Variants in AKAP19 observed in about 807,000 individuals in gnomAD.
The protein encoded by AKAP19 is small A-kinase anchoring protein.
chr2:190,194,475 TATACACACAC>T, the AKAP19 span, among the ~76,000 whole-genome samples: 274 of 126,914 alleles, frequency 2.2e-3, 1 homozygote, highest in African/African-American at 8.9e-3. Flanking sequence ...GTATCCTGTG[TATACACACAC>T]ACACACACAC....
the AKAP19 span, among the ~76,000 whole-genome samples, chr2:189,978,721 G>A: frequency 6.6e-6 from 1 of 152,180 alleles, no homozygotes; most frequent in African/African-American, 2.4e-5. Flanking sequence ...TTGCTGCAAA[G>A]GATATGATTT....
At chr2:190,039,100 T>C in the AKAP19 span, among the ~76,000 whole-genome samples, 1 of 151,272 alleles carries the variant, frequency 6.6e-6, no homozygotes, top group Admixed American at 6.6e-5. Flanking sequence ...TGAGACAGAG[T>C]CTTGCTCTGT....
the AKAP19 span, among the ~76,000 whole-genome samples, chr2:190,136,054 A>G: frequency 7.9e-5 from 12 of 152,320 alleles, no homozygotes; most frequent in South Asian, 2.5e-3. Flanking sequence ...ACACCGATGT[A>G]TTTATTTGGT....
the AKAP19 span, among the ~76,000 whole-genome samples, chr2:190,135,326 C>G: frequency 6.6e-6 from 1 of 152,136 alleles, no homozygotes; most frequent in Non-Finnish European, 1.5e-5. Flanking sequence ...AAATCAGTAT[C>G]ATGGGAGCTT....
chr2:189,967,297 G>T, the AKAP19 span, among the ~76,000 whole-genome samples: 1 of 152,146 alleles, frequency 6.6e-6, no homozygotes. Flanking sequence ...AGGGAACCTA[G>T]GTTGTCATTT....
At chr2:190,199,912 G>A in the AKAP19 span, 2 of 1,614,084 alleles carry the variant, frequency 1.2e-6, no homozygotes, top group South Asian at 2.2e-5. Context: ...CATATATGAA[G>A]GTGAGAAGCA....
At chr2:190,126,767 TA>T in the AKAP19 span, among the ~76,000 whole-genome samples, 7 of 145,330 alleles carry the variant, frequency 4.8e-5, no homozygotes, top group East Asian at 4.0e-4. Flanking sequence ...CAGGAAAAAG[TA>T]AAAAAAAAAC....
chr2:190,043,937 T>C, the AKAP19 span, among the ~76,000 whole-genome samples: 1 of 152,214 alleles, frequency 6.6e-6, no homozygotes, highest in Non-Finnish European at 1.5e-5. Flanking sequence ...TTCTTGTCTC[T>C]GGTTTCAGAA....
the AKAP19 span, among the ~76,000 whole-genome samples, chr2:190,197,611 T>C: frequency 6.6e-6 from 1 of 152,226 alleles, no homozygotes; most frequent in Non-Finnish European, 1.5e-5. The surrounding 1 kb of genome is among the most constrained non-coding windows in gnomAD (Gnocchi z 4.0). Flanking sequence ...ACGGTAATGC[T>C]GGGAGATACC....
the AKAP19 span, among the ~76,000 whole-genome samples, chr2:189,918,824 A>C: frequency 2.6e-5 from 4 of 152,216 alleles, no homozygotes; most frequent in Non-Finnish European, 5.9e-5. Context: ...TCAGCCATAC[A>C]AAAGAATAAA....
At chr2:189,935,421 C>T in the AKAP19 span, among the ~76,000 whole-genome samples, 141,099 of 152,082 alleles carry the variant, frequency 0.93, 65,501 homozygotes, top group East Asian at 0.97. Context: ...ATATTTTCTT[C>T]ATTTTGAATA....
chr2:189,969,675 G>T, the AKAP19 span, among the ~76,000 whole-genome samples: 1 of 138,014 alleles, frequency 7.2e-6, no homozygotes, highest in Non-Finnish European at 1.5e-5. Flanking sequence ...GTTGTGGTGA[G>T]CCAAGATCGC....
the AKAP19 span, among the ~76,000 whole-genome samples, chr2:190,096,851 C>T: frequency 1.3e-5 from 2 of 152,134 alleles, no homozygotes; most frequent in Non-Finnish European, 2.9e-5. Context: ...CTTCTCATGG[C>T]ATCCTCACAT....
At chr2:189,956,175 TTC>T in the AKAP19 span, among the ~76,000 whole-genome samples, 8 of 6,090 alleles carry the variant, frequency 1.3e-3, no homozygotes, top group Admixed American at 7.5e-3. Flanking sequence ...TTTCTTTTTT[TTC>T]TTTTTTTTTT....
At chr2:190,022,251 A>C in the AKAP19 span, among the ~76,000 whole-genome samples, 1 of 152,154 alleles carries the variant, frequency 6.6e-6, no homozygotes, top group South Asian at 2.1e-4. Flanking sequence ...TACACTCCGA[A>C]TTGAGAGAAC....
At chr2:190,009,141 T>C in the AKAP19 span, among the ~76,000 whole-genome samples, 2 of 152,106 alleles carry the variant, frequency 1.3e-5, no homozygotes, top group African/African-American at 2.4e-5. Context: ...ACAGCAGGAA[T>C]AGTCAGGGAA....
the AKAP19 span, among the ~76,000 whole-genome samples, chr2:190,023,083 A>C: frequency 6.6e-6 from 1 of 152,146 alleles, no homozygotes; most frequent in African/African-American, 2.4e-5. Flanking sequence ...AATGCTTCCA[A>C]ACTGATATTT....
At chr2:190,198,865 G>A in the AKAP19 span, among the ~76,000 whole-genome samples, 1 of 152,074 alleles carries the variant, frequency 6.6e-6, no homozygotes, top group African/African-American at 2.4e-5. Context: ...CACTTGGGAG[G>A]CTTAGAAGGC....
the AKAP19 span, among the ~76,000 whole-genome samples, chr2:189,881,381 T>G: frequency 0.3 from 44,896 of 152,070 alleles, 11,410 homozygotes; most frequent in African/African-American, 0.69. Context: ...CCAAATGATG[T>G]TTTTTTCCTA....
Sources: gnomAD v4.1 joint callset for allele counts (sites outside exome capture counted in the v4.1 genomes callset) on GRCh38, gnomAD v4.1.1 for gene constraint, Gnocchi (gnomAD v3.1) non-coding constraint, MANE v1.5 for transcripts, NCBI Gene and HGNC (gene_info 2026-07-23, HGNC 2026-07-21) for gene names.